ERC2: variants seen among roughly 807,000 people sequenced by gnomAD.
The protein encoded by ERC2 is ELKS/RAB6-interacting/CAST family member 2, also known as ERC protein 2.
In ERC2, 42 loss-of-function variants were observed where a neutral mutation model predicts 114.8. The ratio of observed to expected loss-of-function variants is 0.37; its 90% CI spans 0.29 to 0.47. The LOEUF (loss-of-function observed/expected upper bound fraction) is 0.47. Ranked by LOEUF, ERC2 falls within the 20% of genes least tolerant of loss-of-function variation. The probability of loss-of-function intolerance (pLI) is 0.99; values close to 1 mark genes in which losing one functional copy is unlikely to be tolerated. For synonymous variants in ERC2, 454 were observed against 425.5 expected (o/e 1.07, Z -0.82); for missense variants, 939 against 1,150.7 (o/e 0.82, Z 2.66).
intron 17 of ERC2, among the ~76,000 whole-genome samples, chr3:55,616,903 G>A (rs1424839719): frequency 5.3e-5 from 8 of 152,066 alleles, no homozygotes; most frequent in Admixed American, 5.2e-4. Context: ...GAAAAACAGG[G>A]GAGGAGGTGA....
At chr3:56,314,106 A>T (rs2056751739) in intron 2 of ERC2, among the ~76,000 whole-genome samples, 20 of 152,208 alleles carry the variant, frequency 1.3e-4, no homozygotes, top group Admixed American at 1.2e-3. Flanking sequence ...ATCCCAAATT[A>T]AGATCTCTGA....
At chr3:56,417,907 G>A (rs569250122) in intron 2 of ERC2, among the ~76,000 whole-genome samples, 80 of 152,326 alleles carry the variant, frequency 5.3e-4, no homozygotes, top group African/African-American at 1.8e-3. Context: ...ATGAGGGTAG[G>A]AAACATCTGA....
At chr3:56,097,292 A>C (rs979283216) in intron 6 of ERC2, among the ~76,000 whole-genome samples, 1 of 152,174 alleles carries the variant, frequency 6.6e-6, no homozygotes, top group East Asian at 1.9e-4. Flanking sequence ...GCTGGAAGCA[A>C]GAATTGCCAT....
At chr3:55,636,136 A>C (rs2059950610) in intron 17 of ERC2, among the ~76,000 whole-genome samples, 2 of 152,074 alleles carry the variant, frequency 1.3e-5, no homozygotes, top group South Asian at 4.2e-4. Flanking sequence ...TCGGCCTCCC[A>C]AAGTGCTGGG....
chr3:55,725,162 A>G (rs1031142879), intron 15 of ERC2, among the ~76,000 whole-genome samples: 1 of 152,176 alleles, frequency 6.6e-6, no homozygotes, highest in Non-Finnish European at 1.5e-5. Flanking sequence ...CAAGTTACTG[A>G]AGCAAAGTTG....
chr3:56,266,286 A>G (rs992218167), intron 3 of ERC2, among the ~76,000 whole-genome samples: 10 of 151,104 alleles, frequency 6.6e-5, no homozygotes, highest in Admixed American at 3.3e-4. Flanking sequence ...GCCCACCACC[A>G]TGCCCAGCTA....
intron 12 of ERC2, among the ~76,000 whole-genome samples, chr3:55,980,106 G>GAAAA (rs35299238): frequency 2.0e-4 from 16 of 81,272 alleles, no homozygotes; most frequent in Admixed American, 5.1e-4. Context: ...GTGTAAATTA[G>GAAAA]AAAAAAAAAA....
chr3:56,295,706 C>T (rs1194323689), intron 3 of ERC2, among the ~76,000 whole-genome samples: 1 of 152,122 alleles, frequency 6.6e-6, no homozygotes, highest in Non-Finnish European at 1.5e-5. Context: ...CTGAATAGTA[C>T]CATACCTAAA....
chr3:55,899,293 G>A (rs559579940), intron 13 of ERC2, among the ~76,000 whole-genome samples: 9 of 152,154 alleles, frequency 5.9e-5, no homozygotes, highest in African/African-American at 2.2e-4. Flanking sequence ...TTTATTCTAA[G>A]GATATATAAT....
chr3:55,683,591 T>A (rs1012346472), intron 17 of ERC2, among the ~76,000 whole-genome samples: 2 of 152,022 alleles, frequency 1.3e-5, no homozygotes, highest in Admixed American at 1.3e-4. Context: ...AGAGCAGTAA[T>A]GTGGTTGTGG....
chr3:55,790,436 C>T (rs1372184486), intron 14 of ERC2, among the ~76,000 whole-genome samples: 7 of 152,162 alleles, frequency 4.6e-5, no homozygotes, highest in Non-Finnish European at 1.0e-4. Context: ...ACCCTCATCC[C>T]GTCAGCACTC....
intron 3 of ERC2, among the ~76,000 whole-genome samples, chr3:56,208,045 G>C (rs528634282): frequency 6.6e-6 from 1 of 152,274 alleles, no homozygotes; most frequent in Admixed American, 6.5e-5. Context: ...CAAACTAGCT[G>C]GCAACACAGC....
chr3:55,925,651 C>T (rs77482257), intron 13 of ERC2, among the ~76,000 whole-genome samples: 8,535 of 152,060 alleles, frequency 0.056, 373 homozygotes, highest in Non-Finnish European at 0.082. Context: ...GTGAGAACTA[C>T]GCACCCAGCA....
chr3:56,320,643 G>C (rs548267322), intron 2 of ERC2, among the ~76,000 whole-genome samples: 56 of 152,142 alleles, frequency 3.7e-4, no homozygotes, highest in Admixed American at 4.6e-4. Context: ...TGACTTCAAA[G>C]AACTAGAATG....
At chr3:56,447,379 C>T (rs747920407) in intron 1 of ERC2, among the ~76,000 whole-genome samples, 179 of 152,306 alleles carry the variant, frequency 1.2e-3, no homozygotes, top group Admixed American at 1.9e-3. Context: ...ATCCATATCC[C>T]GCTCGCTCTG....
At chr3:56,216,133 TA>T (rs1329834714) in intron 3 of ERC2, among the ~76,000 whole-genome samples, 1 of 151,856 alleles carries the variant, frequency 6.6e-6, no homozygotes, top group Non-Finnish European at 1.5e-5. Flanking sequence ...AGGCAAGAAA[TA>T]ACTAAGATCA....
At chr3:56,204,250 T>C (rs1003746260) in intron 3 of ERC2, among the ~76,000 whole-genome samples, 1 of 152,144 alleles carries the variant, frequency 6.6e-6, no homozygotes, top group Non-Finnish European at 1.5e-5. Context: ...CTAAGTGCCA[T>C]GAGGACAGGG....
Position 55,935,801 on chromosome 3 carries a change from G to A in ERC2, c.2403+14624C>T, listed in dbSNP as rs1387412267. On this transcript the variant is annotated intron_variant, in intron 13 of 17. Transcript: ENST00000288221. ...CGCTGCCCTCCCTGCTCTCCAGACA[G>A]CCATTCCAAGCAGCTTCTAATGAGG... Among the ~76,000 whole-genome samples, 5 of 152,228 alleles carry A rather than the reference G, an allele frequency of 3.3e-5. No homozygotes were observed. The South Asian group carries it at 1.0e-3, about 32-fold the overall frequency.
Position 56,214,840 on chromosome 3 carries a change from A to G in ERC2, c.1075-41320T>C, listed in dbSNP as rs1317731593. Among the ~76,000 whole-genome samples the G allele has an allele frequency of 3.3e-5, 5 of 152,224 alleles. No individual in the cohort carries two copies. The East Asian group carries it at 5.8e-4, about 18-fold the overall frequency. On this transcript the variant is annotated intron_variant, in intron 3 of 17. Coordinates refer to ENST00000288221, the MANE Select transcript of ERC2 (RefSeq NM_015576.3). ...CAGAAGAGAGTGGGGGCCAATATTCAACATTCTTAAAGAAAGAATTTTCAA... is the reference window on the plus strand; with the variant it reads ...CAGAAGAGAGTGGGGGCCAATATTCGACATTCTTAAAGAAAGAATTTTCAA...
Sources: gnomAD v4.1 joint callset for allele counts (sites outside exome capture counted in the v4.1 genomes callset) on GRCh38, gnomAD v4.1.1 for gene constraint, MANE v1.5 for transcripts, NCBI Gene and HGNC (gene_info 2026-07-23, HGNC 2026-07-21) for gene names.